CSMD1: variants seen among roughly 807,000 people sequenced by gnomAD.
CSMD1 encodes CUB and sushi domain-containing protein 1.
CSMD1 carries 213 observed loss-of-function variants against 417.5 expected under a neutral mutation model. The observed-to-expected ratio is 0.51, with a 90% confidence interval of 0.46 to 0.57. CSMD1 has a LOEUF of 0.57. Ranked by LOEUF, CSMD1 falls within the 20% of genes least tolerant of loss-of-function variation. The pLI is 0.00. For synonymous variants in CSMD1, 2,862 were observed against 1,736.8 expected, an observed-to-expected ratio of 1.65 and a Z score of -16.11; for missense variants, 6,923 against 4,529.7, an observed-to-expected ratio of 1.53 and a Z score of -15.17.
intron 17 of CSMD1, among the ~76,000 whole-genome samples, chr8:3,395,645 T>G (rs1334935135): frequency 6.6e-6 from 1 of 152,230 alleles, no homozygotes; most frequent in Non-Finnish European, 1.5e-5. Context: ...TTTTAAAGTA[T>G]TATTCATGCT....
chr8:3,131,351 G>T (rs1158890488), intron 41 of CSMD1, among the ~76,000 whole-genome samples: 2 of 134,136 alleles, frequency 1.5e-5, no homozygotes, highest in Admixed American at 7.3e-5. Flanking sequence ...AATAATAAAA[G>T]AAAAAAAAGA....
intron 26 of CSMD1, among the ~76,000 whole-genome samples, chr8:3,241,850 C>T (rs1328228650): frequency 6.6e-6 from 1 of 151,956 alleles, no homozygotes; most frequent in South Asian, 2.1e-4. Flanking sequence ...TTATTGTACA[C>T]CTTGAAGGCG....
At chr8:3,726,500 G>C (rs1214504590) in intron 6 of CSMD1, among the ~76,000 whole-genome samples, 2 of 151,864 alleles carry the variant, frequency 1.3e-5, no homozygotes, top group Non-Finnish European at 2.9e-5. Flanking sequence ...AGAGATGAGA[G>C]GCCAACTCTG....
intron 2 of CSMD1, among the ~76,000 whole-genome samples, chr8:4,566,446 G>T (rs1020119485): frequency 4.6e-5 from 7 of 151,828 alleles, no homozygotes; most frequent in Admixed American, 3.9e-4. Context: ...GAGGTCAAGA[G>T]AACGAGACCA....
At chr8:4,281,105 T>C (rs1223187468) in intron 3 of CSMD1, among the ~76,000 whole-genome samples, 10 of 152,230 alleles carry the variant, frequency 6.6e-5, no homozygotes, top group African/African-American at 1.9e-4. Context: ...CAGGATGGTA[T>C]GAGGCCTCTG....
At chr8:4,797,612 AAG>A (rs1366605151) in intron 1 of CSMD1, among the ~76,000 whole-genome samples, 15 of 152,312 alleles carry the variant, frequency 9.8e-5, no homozygotes, top group Non-Finnish European at 8.8e-5. Context: ...GAGAGAGAAA[AAG>A]AGATTGAAAC....
rs572320678 is a variant in CSMD1, at chr8:4,237,356, T to A, written c.415+182597A>T. Among the ~76,000 whole-genome samples the A allele has an allele frequency of 5.9e-5, 9 of 152,132 alleles. No homozygotes were observed. The South Asian group carries it at 1.9e-3, about 32-fold the overall frequency. On this transcript the variant is annotated intron_variant, in intron 3 of 69. Coordinates refer to ENST00000635120, the MANE Select transcript of CSMD1 (RefSeq NM_033225.6). ...AAACTAATCCTTCAACAGAAAACATTATTTCTGAGACTCAGTTTCCGTTTA... is the reference window on the plus strand; with the variant it reads ...AAACTAATCCTTCAACAGAAAACATAATTTCTGAGACTCAGTTTCCGTTTA...
At chr8:4,206,433 G>T (rs887945376) in intron 3 of CSMD1, among the ~76,000 whole-genome samples, 1 of 152,130 alleles carries the variant, frequency 6.6e-6, no homozygotes, top group African/African-American at 2.4e-5. Context: ...AGAACATGCG[G>T]TGTTTGGTTT....
At chr8:3,218,398 A>G (rs1239992136) in intron 29 of CSMD1, among the ~76,000 whole-genome samples, 4 of 151,524 alleles carry the variant, frequency 2.6e-5, no homozygotes, top group Non-Finnish European at 4.4e-5. Context: ...CGTCTCTACT[A>G]AAAATACAAA....
intron 1 of CSMD1, among the ~76,000 whole-genome samples, chr8:4,751,944 G>C (rs1811360477): frequency 6.6e-6 from 1 of 152,186 alleles, no homozygotes; most frequent in South Asian, 2.1e-4. Flanking sequence ...TAATCTGAGA[G>C]TGGGGGAAGT....
At chr8:3,381,138 G>A (rs1309697148) in intron 18 of CSMD1, among the ~76,000 whole-genome samples, 1 of 151,884 alleles carries the variant, frequency 6.6e-6, no homozygotes, top group Non-Finnish European at 1.5e-5. Flanking sequence ...TGATGAACAG[G>A]GTGCGTTCAC....
chr8:3,273,070 G>C (rs1801990100), intron 26 of CSMD1, among the ~76,000 whole-genome samples: 2 of 152,050 alleles, frequency 1.3e-5, no homozygotes, highest in Non-Finnish European at 2.9e-5. Context: ...CTGTGGGTTT[G>C]TTATAGATAG....
chr8:3,372,103 G>A (rs1313147495), intron 18 of CSMD1, among the ~76,000 whole-genome samples: 2 of 152,184 alleles, frequency 1.3e-5, no homozygotes, highest in Non-Finnish European at 2.9e-5. Context: ...ACATGACTGT[G>A]AAGAAAATTA....
At chr8:4,501,702 T>C (rs553238863) in intron 2 of CSMD1, among the ~76,000 whole-genome samples, 2 of 152,338 alleles carry the variant, frequency 1.3e-5, no homozygotes, top group East Asian at 3.9e-4. Flanking sequence ...ATTCACACTA[T>C]CTACATTAGT....
At position 3,091,530 on chromosome 8, in the gene CSMD1, T is replaced by G; in HGVS notation, c.7271A>C (p.Lys2424Thr). The G allele has an allele frequency of 6.2e-7, 1 of 1,604,700 alleles. No homozygotes were observed. Among genetic ancestry groups the G allele is most frequent in the Non-Finnish European group, 8.5e-7 (1 of 1,177,902 alleles). ...CATTTACTTACCTGCATAGCGAATC[T>G]TGAATCCTTTCTTACTGGTGGCATG... Reference protein sequence around the residue: ...TDHATSKKGFKIRYAAPYCSL... With the variant: ...TDHATSKKGFTIRYAAPYCSL... Residue 2424 changes from lysine to threonine, a missense_variant, in exon 48 of 70, where the codon AAG becomes ACG. Coordinates refer to ENST00000635120, the MANE Select transcript of CSMD1 (RefSeq NM_033225.6).
rs765180164 is a variant in CSMD1 at position 3,205,706 on chromosome 8, G to C, written c.4868-86C>G. On this transcript the variant is annotated intron_variant, in intron 30 of 69. Transcript: ENST00000635120. ...GCCAAAGCTGAAACACATCAAACAC[G>C]TGAGCACGTTTATTGAAAACTTGAC... 3 of 549,180 alleles carry C rather than the reference G, an allele frequency of 5.5e-6. No homozygotes were observed. The African/African-American group carries it at 5.9e-5, about 11-fold the overall frequency. The allele number at this position is 549,180 out of a possible 1,614,324, so 34.0% of individuals were successfully genotyped here.
intron 11 of CSMD1, among the ~76,000 whole-genome samples, chr8:3,484,556 G>A (rs1033072056): frequency 1.2e-4 from 19 of 152,148 alleles, no homozygotes; most frequent in African/African-American, 4.3e-4. Flanking sequence ...GACAGCAAAA[G>A]CACTGGCCTT....
intron 1 of CSMD1, among the ~76,000 whole-genome samples, chr8:4,825,421 A>C (rs1272759884): frequency 2.0e-5 from 3 of 152,112 alleles, no homozygotes; most frequent in Non-Finnish European, 4.4e-5. Context: ...GACTCTAGGC[A>C]CAGTGTAGAC....
At chr8:4,882,145 A>G (rs1203258963) in intron 1 of CSMD1, among the ~76,000 whole-genome samples, 2 of 152,074 alleles carry the variant, frequency 1.3e-5, no homozygotes, top group Non-Finnish European at 2.9e-5. Context: ...AAGCACATGT[A>G]GTTACAAGTG....
Sources: gnomAD v4.1 joint callset for allele counts (sites outside exome capture counted in the v4.1 genomes callset) on GRCh38, gnomAD v4.1.1 for gene constraint, MANE v1.5 for transcripts, NCBI Gene and HGNC (gene_info 2026-07-23, HGNC 2026-07-21) for gene names.